The following MARK1 variants were observed in gnomAD, a reference collection of about 807,000 sequenced individuals.
MARK1 encodes microtubule affinity regulating kinase 1, also known as serine/threonine-protein kinase MARK1.
In MARK1, 40 loss-of-function variants were observed where a neutral mutation model predicts 96.3. The ratio of observed to expected loss-of-function variants is 0.42; its 90% confidence interval spans 0.32 to 0.54. The LOEUF (loss-of-function observed/expected upper bound fraction) is 0.54. Among genes scored for constraint, MARK1 ranks in the 20% least tolerant of loss-of-function variants. The pLI is 0.16. For missense variants in MARK1, 719 were observed against 984.6 expected, an observed-to-expected ratio of 0.73 and a Z score of 3.61; for synonymous variants, 317 against 341.2, an observed-to-expected ratio of 0.93 and a Z score of 0.78.
intron 1 of MARK1, among the ~76,000 whole-genome samples, chr1:220,536,068 G>T (rs1396213875): frequency 6.6e-6 from 1 of 151,836 alleles, no homozygotes; most frequent in African/African-American, 2.4e-5. Context: ...TTCTTTGTTA[G>T]TGCATAGAAA....
chr1:220,598,539 T>C (rs993507121), intron 4 of MARK1, among the ~76,000 whole-genome samples, 160 bp downstream of exon 4: 1 of 151,272 alleles, frequency 6.6e-6, no homozygotes, highest in Non-Finnish European at 1.5e-5. Flanking sequence ...AGTGATACTT[T>C]GGGTAAAAAT....
chr1:220,633,633 G>A (rs1667792538), intron 11 of MARK1, among the ~76,000 whole-genome samples: 1 of 152,164 alleles, frequency 6.6e-6, no homozygotes, highest in Admixed American at 6.6e-5. Flanking sequence ...GCATATAGGT[G>A]GACATGTACC....
chr1:220,551,640 G>C (rs1404839338), intron 1 of MARK1, among the ~76,000 whole-genome samples: 1 of 151,976 alleles, frequency 6.6e-6, no homozygotes, highest in African/African-American at 2.4e-5. Flanking sequence ...TTAACATAAA[G>C]AGTTAGCTAA....
chr1:220,659,087 A>G (rs1669327984), intron 17 of MARK1, among the ~76,000 whole-genome samples: 1 of 152,148 alleles, frequency 6.6e-6, no homozygotes, highest in South Asian at 2.1e-4. Flanking sequence ...GTAACTATAT[A>G]ATTTTATTAC....
rs964825912 is a variant in MARK1, at chr1:220,650,541, A to G, written c.1471-79A>G. 5.8e-6 allele frequency: 5 copies of G among 864,258 alleles called. No homozygotes were observed. In the African/African-American group the frequency reaches 6.8e-5, roughly 12 times the overall value. The allele number at this position is 864,258 out of a possible 1,614,324, so 53.5% of individuals were successfully genotyped here. On this transcript the variant is annotated intron_variant, in intron 13 of 17. Coordinates refer to ENST00000366917, the MANE Select transcript of MARK1 (RefSeq NM_018650.5). ...ATTAAAATTCTGTGGATTTTTCTCA[A>G]AGTCAGCTTAAATACATTTCTTTGG...
chr1:220,606,877 C>G (rs1666112859), intron 6 of MARK1, among the ~76,000 whole-genome samples: 1 of 152,116 alleles, frequency 6.6e-6, no homozygotes, highest in Non-Finnish European at 1.5e-5. Flanking sequence ...TTCCATTGGT[C>G]TGTATTTCTG....
At chr1:220,598,218 G>A (rs1665501982) in intron 3 of MARK1, 113 bp from the exon 4 acceptor site, 1 of 380,712 alleles carries the variant, frequency 2.6e-6, no homozygotes, top group Non-Finnish European at 5.3e-6. Flanking sequence ...TGCATTGCCA[G>A]AATCCTGTAG....
At chr1:220,609,320 G>T (rs1448608872) in intron 6 of MARK1, among the ~76,000 whole-genome samples, 1 of 152,072 alleles carries the variant, frequency 6.6e-6, no homozygotes, top group African/African-American at 2.4e-5. Context: ...GGCCTTCTTT[G>T]TCTCTTTTGA....
At chr1:220,640,467 A>G (rs1558316882) in intron 13 of MARK1, among the ~76,000 whole-genome samples, 2 of 152,214 alleles carry the variant, frequency 1.3e-5, no homozygotes, top group African/African-American at 4.8e-5. Flanking sequence ...TGAGTTAAAT[A>G]GTTAAATAGA....
At chr1:220,589,624 C>T (rs1017259226) in intron 3 of MARK1, among the ~76,000 whole-genome samples, 1 of 152,190 alleles carries the variant, frequency 6.6e-6, no homozygotes, top group Admixed American at 6.6e-5. Context: ...GCCTTCACTC[C>T]TGGCTTATTT....
In MARK1 at chr1:220,661,801, T is replaced by G. The variant is rs1421859546; in HGVS notation, c.2034-11T>G. 1 of 1,580,204 alleles carries G rather than the reference T, an allele frequency of 6.3e-7. No homozygotes were observed. Among genetic ancestry groups the G allele is most frequent in the Admixed American group, 1.8e-5 (1 of 56,488 alleles). On this transcript the variant is annotated splice_polypyrimidine_tract_variant and intron_variant, in intron 17 of 17. Transcript: ENST00000366917. ...TTGCTTTCATTCTTTCCCTTTGCCC[T>G]CTTGTTCCAGAAGTACATCAGGGGA...
At chr1:220,573,481 G>A (rs575433444) in intron 1 of MARK1, among the ~76,000 whole-genome samples, 6 of 152,042 alleles carry the variant, frequency 3.9e-5, no homozygotes, top group African/African-American at 1.4e-4. Flanking sequence ...CCGCCACCAC[G>A]CCTGGCTAAT....
chr1:220,579,117 C>T (rs1490101842), intron 1 of MARK1, among the ~76,000 whole-genome samples: 1 of 152,150 alleles, frequency 6.6e-6, no homozygotes, highest in African/African-American at 2.4e-5. Flanking sequence ...GCTGGGATTA[C>T]AGGCATGAGC....
chr1:220,557,067 A>G (rs1558256813), intron 1 of MARK1, among the ~76,000 whole-genome samples: 1 of 152,186 alleles, frequency 6.6e-6, no homozygotes, highest in Non-Finnish European at 1.5e-5. Context: ...AAGTACCAGC[A>G]GAATAAATAA....
rs182619824 is a variant in MARK1 at position 220,631,328 on chromosome 1, G to T, written c.1009+194G>T. 3.6e-4 allele frequency among the ~76,000 whole-genome samples: 55 copies of T among 152,078 alleles called. 1 individual carries two copies. The East Asian group carries it at 9.5e-3, about 26-fold the overall frequency. On this transcript the variant is annotated intron_variant, in intron 10 of 17. Transcript: ENST00000366917. ...CTAATTTGTTCCCATATATATTATG[G>T]TCTAATTCAATGTTTGACAACAGTG...
Position 220,618,091 on chromosome 1 carries a change from A to G in MARK1, c.553-219A>G, listed in dbSNP as rs1193899313. ...TTCTTAAGTAGTTGCATATATGCAT[A>G]TAAAGAGAGCTTTCCTTATGTAGTG... On this transcript the variant is annotated intron_variant, in intron 7 of 17. Coordinates refer to ENST00000366917, the MANE Select transcript of MARK1 (RefSeq NM_018650.5). This position sits in a 1 kb window ranked among gnomAD's most constrained non-coding sequence, Gnocchi z 4.6. Among the ~76,000 whole-genome samples the G allele has an allele frequency of 6.6e-6, 1 of 152,234 alleles. No individual in the cohort carries two copies. The highest frequency in any genetic ancestry group is 6.5e-5 in the Admixed American group (1 of 15,280).
In MARK1 at chr1:220,635,856, G is replaced by A; in HGVS notation, c.1300G>A (p.Val434Ile). The A allele has an allele frequency of 6.2e-7, 1 of 1,607,648 alleles. No individual in the cohort carries two copies. The highest frequency in any genetic ancestry group is 1.1e-5 in the South Asian group (1 of 89,438). The change falls in exon 13 of 18, where the codon GTA (valine) becomes ATA (isoleucine). Residue 434 changes from valine (V) to isoleucine (I), a missense_variant. Physicochemically the swap from Val to Ile is conservative, Grantham distance 29. Coordinates refer to ENST00000366917, the MANE Select transcript of MARK1 (RefSeq NM_018650.5). ...AGCTGGTCCATCCATTCCTCCTGCT[G>A]TATCATATACCAAAAGACCTCAGGC... ...DHAGPSIPPA[V>I]SYTKRPQANS...
intron 6 of MARK1, among the ~76,000 whole-genome samples, chr1:220,610,141 T>C (rs1666354027): frequency 6.6e-6 from 1 of 152,184 alleles, no homozygotes; most frequent in Admixed American, 6.5e-5. Flanking sequence ...TCCTAAAGAG[T>C]GTTTTCCAAC....
intron 5 of MARK1, among the ~76,000 whole-genome samples, chr1:220,600,831 G>A (rs576666325): frequency 2.0e-5 from 3 of 151,744 alleles, no homozygotes; most frequent in African/African-American, 4.8e-5. Context: ...GAATAAAAAG[G>A]ATTTATCTAG....
Sources: gnomAD v4.1 joint callset for allele counts (sites outside exome capture counted in the v4.1 genomes callset) on GRCh38, gnomAD v4.1.1 for gene constraint, Gnocchi (gnomAD v3.1) non-coding constraint, MANE v1.5 for transcripts, NCBI Gene and HGNC (gene_info 2026-07-23, HGNC 2026-07-21) for gene names.